The following MYBPC1 variants were observed in gnomAD, a reference collection of about 807,000 sequenced individuals.
MYBPC1 encodes myosin-binding protein C, slow-type.
MYBPC1 carries 52 observed loss-of-function variants against 147.1 expected under a neutral mutation model. That is an observed-to-expected ratio of 0.35 (90% CI 0.28 to 0.45). The LOEUF (loss-of-function observed/expected upper bound fraction) is 0.45. Ranked by LOEUF, MYBPC1 falls within the 20% of genes least tolerant of loss-of-function variation. The pLI is 1.00. For synonymous variants in MYBPC1, 477 were observed against 475.9 expected (o/e 1.00, Z -0.03); for missense variants, 1,228 against 1,440.3 (o/e 0.85, Z 2.39).
intron 6 of MYBPC1, among the ~76,000 whole-genome samples, chr12:101,631,277 A>G (rs1208550745): frequency 1.3e-5 from 2 of 152,218 alleles, no homozygotes; most frequent in East Asian, 3.8e-4. Flanking sequence ...ATATATGTCC[A>G]TATATATGAA....
chr12:101,597,326 G>A (rs1019471336), intron 1 of MYBPC1, among the ~76,000 whole-genome samples: 58 of 152,246 alleles, frequency 3.8e-4, no homozygotes, highest in South Asian at 1.2e-3. Flanking sequence ...CCCACAGCTC[G>A]TAAAGCCATG....
In MYBPC1 at chr12:101,644,684, C is replaced by T. The variant is rs973814026; in HGVS notation, c.853C>T (p.Pro285Ser). 1 of 1,613,724 alleles carries T rather than the reference C, an allele frequency of 6.2e-7. No homozygotes were observed. The highest frequency in any genetic ancestry group is 1.7e-5 in the Admixed American group (1 of 60,002). ...KSAAFAKILD[P>S]AYQVDKGGRV... ...ATCAGCTTTTGCAAAAATTCTTGAT[C>T]CTGCATATCAGGTTGACAAAGGAGG... Residue 285 changes from proline to serine, a missense_variant, in exon 12 of 32, where the codon CCT becomes TCT. This residue lies in a region of MYBPC1 where 1,077 missense variants were observed against 1,314.2 expected (regional missense o/e 0.82). Transcript: ENST00000361466.
downstream of MYBPC1, among the ~76,000 whole-genome samples, chr12:101,687,108 T>C (rs1037822804): frequency 1.3e-5 from 2 of 152,140 alleles, no homozygotes; most frequent in South Asian, 4.1e-4. Context: ...AGTTCTAGGG[T>C]ACATGTGCGC....
chr12:101,626,830 A>C (rs369409675), intron 3 of MYBPC1, 42 bp from the exon 4 acceptor site: 1 of 1,526,720 alleles, frequency 6.5e-7, no homozygotes, highest in South Asian at 1.1e-5. Flanking sequence ...CTTGGGATGA[A>C]GTCTTTTCTC....
At chr12:101,688,698 C>T (rs893174191), downstream of MYBPC1, among the ~76,000 whole-genome samples, 15 of 140,802 alleles carry the variant, frequency 1.1e-4, no homozygotes, top group East Asian at 2.1e-4. Context: ...TGGTGGCTGA[C>T]GTCTGTAATC....
In MYBPC1 at chr12:101,617,193, T is replaced by C; in HGVS notation, c.62-9T>C. 1 of 1,613,706 alleles carries C rather than the reference T, an allele frequency of 6.2e-7. No individual in the cohort carries two copies. Among genetic ancestry groups the C allele is most frequent in the Non-Finnish European group, 8.5e-7 (1 of 1,179,794 alleles). On this transcript the variant is annotated splice_polypyrimidine_tract_variant and intron_variant, in intron 2 of 31. Transcript: ENST00000361466. ...CACTTTAAAAAATATGCTTGTACTT[T>C]CTACACAGAACCAAGTAAAGAGAAG...
At chr12:101,665,805 G>C (rs1799674648) in intron 22 of MYBPC1, among the ~76,000 whole-genome samples, 1 of 152,080 alleles carries the variant, frequency 6.6e-6, no homozygotes, top group African/African-American at 2.4e-5. Flanking sequence ...CTCATCCACT[G>C]TCTCTTGACT....
At chr12:101,638,363 G>T (rs1424055904) in intron 10 of MYBPC1, among the ~76,000 whole-genome samples, 6 of 152,156 alleles carry the variant, frequency 3.9e-5, no homozygotes, top group African/African-American at 1.4e-4. Context: ...TAAAAACATG[G>T]ACTGGAGTCT....
At chr12:101,650,782 A>G (rs898391604) in intron 15 of MYBPC1, 8 of 234,324 alleles carry the variant, frequency 3.4e-5, no homozygotes, top group Non-Finnish European at 5.9e-5. Context: ...TAAATATGGC[A>G]CTTAATGTTG....
rs539312053 is a variant in MYBPC1 at position 101,608,334 on chromosome 12, T to A, written c.26-6162T>A. ...GCTTATTTTTTTCAAAAAGTATCCT[T>A]GTTTTTCCTTTTTATTCAAAAAGTT... On this transcript the variant is annotated intron_variant, in intron 1 of 31. Transcript: ENST00000361466. Among the ~76,000 whole-genome samples, 49 of 152,348 alleles carry A rather than the reference T, an allele frequency of 3.2e-4. 1 individual carries two copies. The South Asian group carries it at 9.5e-3, about 30-fold the overall frequency.
chr12:101,627,861 G>T, intron 5 of MYBPC1, 57 bp downstream of exon 5: 1 of 1,542,430 alleles, frequency 6.5e-7, no homozygotes, highest in Non-Finnish European at 9.0e-7. Flanking sequence ...TCACTAATGA[G>T]CTCATTTCTT....
chr12:101,603,279 A>C (rs1009058294), intron 1 of MYBPC1, among the ~76,000 whole-genome samples: 2 of 151,466 alleles, frequency 1.3e-5, no homozygotes, highest in African/African-American at 4.8e-5. Flanking sequence ...GGGAGAACGG[A>C]GGTTGTGGTG....
chr12:101,605,587 A>T (rs825082), intron 1 of MYBPC1, among the ~76,000 whole-genome samples: 1 of 152,020 alleles, frequency 6.6e-6, no homozygotes, highest in Non-Finnish European at 1.5e-5. Context: ...TTGGTTGGGC[A>T]TGGTGGCTCA....
Position 101,667,819 on chromosome 12 carries a change from T to C in MYBPC1, c.2444T>C (p.Val815Ala). ...TGLPTDAKIF[V>A]RVKAVNAAGA... ...CTGCCAACAGATGCAAAGATCTTTG[T>C]GCGTGTGAAGGCTGTTAATGCAGCT... is the stretch of plus-strand genomic sequence containing the variant. The change falls in exon 23 of 32, where the codon GTG becomes GCG. Residue 815 changes from valine to alanine, a missense_variant. By Grantham distance (64) the Val-to-Ala change is moderately conservative. Transcript: ENST00000361466. 1 of 1,614,190 alleles carries C rather than the reference T, an allele frequency of 6.2e-7. No homozygotes were observed. The highest frequency in any genetic ancestry group is 8.5e-7 in the Non-Finnish European group (1 of 1,180,028).
intron 10 of MYBPC1, among the ~76,000 whole-genome samples, chr12:101,639,389 T>C (rs1386431546): frequency 6.6e-6 from 1 of 152,192 alleles, no homozygotes; most frequent in Non-Finnish European, 1.5e-5. Flanking sequence ...GCAGCCACCA[T>C]GGTAAGTAAC....
downstream of MYBPC1, among the ~76,000 whole-genome samples, chr12:101,690,603 T>C (rs1239078766): frequency 6.6e-6 from 1 of 152,096 alleles, no homozygotes; most frequent in Non-Finnish European, 1.5e-5. Flanking sequence ...AGATTATAAA[T>C]AAAAAATGAT....
chr12:101,652,720 A>G lies in MYBPC1; in HGVS notation c.1569A>G (p.Glu523=). ...TAGCCAATGCCCTCACTGAAGATGAAGGTGATTATGTATTTGCACCTGATG... is the reference window on the plus strand; with the variant it reads ...TAGCCAATGCCCTCACTGAAGATGAGGGTGATTATGTATTTGCACCTGATG... ...LVIANALTED[E]GDYVFAPDAY... The change falls in exon 17 of 32, where the codon GAA becomes GAG. Residue 523 remains glutamate, a synonymous_variant. Transcript: ENST00000361466. 1.2e-6 allele frequency: 2 copies of G among 1,614,032 alleles called. No homozygotes were observed. Among genetic ancestry groups the G allele is most frequent in the Non-Finnish European group, 1.7e-6 (2 of 1,179,910 alleles).
chr12:101,605,289 T>C (rs1248537178), intron 1 of MYBPC1, among the ~76,000 whole-genome samples: 3 of 152,230 alleles, frequency 2.0e-5, no homozygotes, highest in Non-Finnish European at 4.4e-5. Flanking sequence ...TTATTTTGAC[T>C]GATTCATTCA....
chr12:101,685,917 T>C lies in MYBPC1; in HGVS notation c.*355T>C, dbSNP rs1035562239. 3.6e-5 allele frequency: 11 copies of C among 307,782 alleles called. No individual in the cohort carries two copies. Among genetic ancestry groups the C allele is most frequent in the Non-Finnish European group, 6.5e-5 (11 of 170,214 alleles). The allele number at this position is 307,782 out of a possible 1,614,324, so 19.1% of individuals were successfully genotyped here. On this transcript the variant is annotated 3_prime_UTR_variant, in exon 32 of 32. Coordinates refer to ENST00000361466, the MANE Select transcript of MYBPC1 (RefSeq NM_002465.4). ...ATTATTATCTCTGCTCACTGTATTA[T>C]ACTTTACAAAAATGCAAGTCATAGA...
Sources: gnomAD v4.1 joint callset for allele counts (sites outside exome capture counted in the v4.1 genomes callset) on GRCh38, gnomAD v4.1.1 for gene constraint, gnomAD v4.1.1 regional missense constraint, MANE v1.5 for transcripts, NCBI Gene and HGNC (gene_info 2026-07-23, HGNC 2026-07-21) for gene names.